RFX1: variants seen among roughly 807,000 people sequenced by gnomAD.
RFX1 encodes the protein regulatory factor X1, also known as MHC class II regulatory factor RFX1.
A neutral mutation model predicts 119.6 loss-of-function variants in RFX1; 42 were observed. The observed-to-expected ratio is 0.35, with a 90% confidence interval of 0.27 to 0.45. RFX1 has a LOEUF of 0.45. Among genes scored for constraint, RFX1 ranks in the 20% least tolerant of loss-of-function variants. The pLI, the probability that RFX1 is intolerant of heterozygous loss-of-function variation, is 1.00. For missense variants in RFX1, 1,118 were observed against 1,368.1 expected (o/e 0.82, Z 2.88); for synonymous variants, 628 against 618.5 (o/e 1.02, Z -0.23).
At chr19:13,995,696 C>T (rs928402706) in intron 1 of RFX1, among the ~76,000 whole-genome samples, 3 of 152,040 alleles carry the variant, frequency 2.0e-5, no homozygotes, top group African/African-American at 7.2e-5. Flanking sequence ...ACTAAAAGTA[C>T]AAAAATCAGC....
chr19:13,980,731 T>TGCATCCTCTCTGGTGTGGGCTC lies in RFX1; in HGVS notation c.622-43_622-42insGAGCCCACACCAGAGAGGATGC. 8.3e-7 allele frequency: 1 copy of TGCATCCTCTCTGGTGTGGGCTC among 1,201,550 alleles called. No individual in the cohort carries two copies. The highest frequency in any genetic ancestry group is 1.2e-6 in the Non-Finnish European group (1 of 842,372). 74.4% of individuals were successfully genotyped at this position (1,201,550 alleles called of 1,614,324 possible). A position where few individuals can be genotyped will look rare whatever the true frequency, so the allele number is the denominator to read the frequency against. Reference sequence around the variant, plus strand: ...CACAGGAGTGCCGCTGGGGTGGGCTTGCATCCTCTCTGAGGTGGGCTCACA... The same window carrying TGCATCCTCTCTGGTGTGGGCTC: ...CACAGGAGTGCCGCTGGGGTGGGCTTGCATCCTCTCTGGTGTGGGCTCGCATCCTCTCTGAGGTGGGCTCACA... On this transcript the variant is annotated intron_variant, in intron 5 of 20. Coordinates refer to ENST00000254325, the MANE Select transcript of RFX1 (RefSeq NM_002918.5). This position sits in a 1 kb window ranked among gnomAD's most constrained non-coding sequence, Gnocchi z 5.1.
chr19:13,963,598 T>C lies in RFX1; in HGVS notation c.2510A>G (p.Gln837Arg), dbSNP rs764669877. Residue 837 changes from glutamine to arginine, a missense_variant, in exon 18 of 21, where the codon CAG becomes CGG. This residue lies in a region of RFX1 where 68 missense variants were observed against 67.2 expected (regional missense o/e 1.01). Transcript: ENST00000254325. ...GVVSQVLKPY[Q>R]GSAGFPKAAK... ...GGCCTTGGGGAAGCCGGCGCTGCCC[T>C]GGTAGGGCTTGAGCACCTGGCTCAC... The C allele has an allele frequency of 6.2e-7, 1 of 1,604,368 alleles. No homozygotes were observed. Among genetic ancestry groups the C allele is most frequent in the Non-Finnish European group, 8.5e-7 (1 of 1,179,010 alleles).
chr19:13,998,555 G>A (rs1183962181), intron 1 of RFX1, among the ~76,000 whole-genome samples: 1 of 152,124 alleles, frequency 6.6e-6, no homozygotes, highest in Non-Finnish European at 1.5e-5. Context: ...AGTGGCAGGT[G>A]TTATTATTCA....
At chr19:13,978,485 C>G in intron 7 of RFX1, among the ~76,000 whole-genome samples, 1 of 152,304 alleles carries the variant, frequency 6.6e-6, no homozygotes, top group Non-Finnish European at 1.5e-5. Context: ...AGCCTGGGGC[C>G]CCGGTTGGTG....
intron 8 of RFX1, among the ~76,000 whole-genome samples, chr19:13,976,506 G>C (rs1265723495): frequency 6.6e-6 from 1 of 152,236 alleles, no homozygotes; most frequent in Admixed American, 6.5e-5. Context: ...ACACAGGAAT[G>C]GTAGTGCTGT....
Position 13,963,013 on chromosome 19 carries a change from G to A in RFX1, c.2751C>T (p.Asn917=), listed in dbSNP as rs757663788. 2.1e-5 allele frequency: 32 copies of A among 1,553,462 alleles called. No individual in the cohort carries two copies. In the African/African-American group the frequency reaches 3.4e-4, roughly 17 times the overall value. The change falls in exon 20 of 21, where the codon AAC becomes AAT. Residue 917 remains asparagine (N), a synonymous_variant. Coordinates refer to ENST00000254325, the MANE Select transcript of RFX1 (RefSeq NM_002918.5). ...GCCTACCTTTGTCGGGGTCCAGGGG[G>A]TTCAGGGAGGTGGCCAGATTGGCGA... ...GEFANLATSL[N]PLDPDKDEEE...
intron 2 of RFX1, among the ~76,000 whole-genome samples, chr19:13,991,097 G>A (rs7249436): frequency 0.049 from 7,461 of 152,286 alleles, 615 homozygotes; most frequent in African/African-American, 0.17. Flanking sequence ...AGCAATGGCA[G>A]GAGCGTGTTC....
chr19:13,967,628 C>T (rs932796844), intron 12 of RFX1, among the ~76,000 whole-genome samples: 3 of 151,978 alleles, frequency 2.0e-5, no homozygotes, highest in African/African-American at 7.2e-5. Flanking sequence ...AGGCACCCGC[C>T]ACCACACCCG....
chr19:13,994,719 A>ATGTGTGTGTG (rs35165719), intron 1 of RFX1, among the ~76,000 whole-genome samples: 229 of 125,992 alleles, frequency 1.8e-3, no homozygotes, highest in African/African-American at 5.9e-3. Context: ...CTAAATATAT[A>ATGTGTGTGTG]TGTGTGTGTG....
In RFX1 at chr19:13,965,857, CT is replaced by C; in HGVS notation, c.1962-81del. The C allele has an allele frequency of 1.3e-6, 2 of 1,516,580 alleles. No individual in the cohort carries two copies. The highest frequency in any genetic ancestry group is 9.0e-7 in the Non-Finnish European group (1 of 1,114,276). 93.9% of individuals were successfully genotyped at this position (1,516,580 alleles called of 1,614,324 possible). A position where few individuals can be genotyped will look rare whatever the true frequency, so the allele number is the denominator to read the frequency against. On this transcript the variant is annotated intron_variant, in intron 14 of 20. Transcript: ENST00000254325. The surrounding 1 kb of genome is among the most constrained non-coding windows in gnomAD (Gnocchi z 4.7). Reference sequence around the variant, plus strand: ...ATCGTCAGAAGGGAACAGGTAGCCCCTGTCCCTGACCCAGGGTCACTGGGGT... The same window carrying C: ...ATCGTCAGAAGGGAACAGGTAGCCCCGTCCCTGACCCAGGGTCACTGGGGT...
At position 13,972,922 on chromosome 19, in the gene RFX1, T is replaced by C. The variant is rs769600950; in HGVS notation, c.1135A>G (p.Ser379Gly). ...CCACCACTGCCACCACCTCCGCTGC[T>C]GTTGCTGGCCCCAGCCCCAGTGCTG... ...STSTGAGASN[S>G]SGGGGSGGGG... The change falls in exon 9 of 21, where the codon AGC becomes GGC. Residue 379 changes from serine (S) to glycine (G), a missense_variant. Ser to Gly is a moderately conservative substitution (Grantham distance 56). Coordinates refer to ENST00000254325, the MANE Select transcript of RFX1 (RefSeq NM_002918.5). 4 of 1,597,806 alleles carry C rather than the reference T, an allele frequency of 2.5e-6. No individual in the cohort carries two copies. Among genetic ancestry groups the C allele is most frequent in the Non-Finnish European group, 3.4e-6 (4 of 1,178,768 alleles).
Position 13,990,542 on chromosome 19 carries a change from G to GT in RFX1, c.319+2982_319+2983insA, listed in dbSNP as rs1254266846. ...CAAAAAAATTAAAAGATTAGGCCGG[G>GT]CGCGGTGGCTCACGCCTGTAATCCC... On this transcript the variant is annotated intron_variant, in intron 2 of 20. Coordinates refer to ENST00000254325, the MANE Select transcript of RFX1 (RefSeq NM_002918.5). The surrounding 1 kb of genome is among the most constrained non-coding windows in gnomAD (Gnocchi z 4.1). 6.6e-6 allele frequency among the ~76,000 whole-genome samples: 1 copy of GT among 152,142 alleles called. No homozygotes were observed. The highest frequency in any genetic ancestry group is 2.4e-5 in the African/African-American group (1 of 41,428).
intron 1 of RFX1, among the ~76,000 whole-genome samples, chr19:14,000,148 C>T (rs1330550167): frequency 1.3e-5 from 2 of 152,166 alleles, no homozygotes; most frequent in Non-Finnish European, 2.9e-5. Flanking sequence ...CTCTCATCCT[C>T]TATATCCAAT....
In RFX1 at chr19:13,980,518, G is replaced by A; in HGVS notation, c.738+55C>T. The A allele has an allele frequency of 8.5e-7, 1 of 1,173,550 alleles. No individual in the cohort carries two copies. Among genetic ancestry groups the A allele is most frequent in the Non-Finnish European group, 1.2e-6 (1 of 825,770 alleles). 72.7% of individuals were successfully genotyped at this position (1,173,550 alleles called of 1,614,324 possible). A position where few individuals can be genotyped will look rare whatever the true frequency, so the allele number is the denominator to read the frequency against. ...AGAGGCACAGCCGTGGGGGGCTGCA[G>A]AGGCTGCCTGGCCGGTACCCCTGGA... On this transcript the variant is annotated intron_variant, in intron 6 of 20. Transcript: ENST00000254325. This position sits in a 1 kb window ranked among gnomAD's most constrained non-coding sequence, Gnocchi z 5.1.
intron 1 of RFX1, among the ~76,000 whole-genome samples, chr19:13,996,238 G>A (rs148689971): frequency 4.6e-5 from 7 of 152,282 alleles, no homozygotes; most frequent in Non-Finnish European, 1.0e-4. Flanking sequence ...ACAGAGGCAC[G>A]AGTGGTTAAG....
chr19:13,970,172 G>T lies in RFX1; in HGVS notation c.1318C>A (p.Gln440Lys), dbSNP rs753876589. Reference sequence around the variant, plus strand: ...GTCTCATAGTTGTCCAGGAGCCACTGGACCTGGGGTGGGAGGGAGATGGGA... The same window carrying T: ...GTCTCATAGTTGTCCAGGAGCCACTTGACCTGGGGTGGGAGGGAGATGGGA... The part of the protein sequence containing the change: ...HTTRASPATV[Q>K]WLLDNYETAE... The change falls in exon 10 of 21, where the codon CAG becomes AAG. Residue 440 changes from glutamine (Q) to lysine (K), a missense_variant. Gln to Lys is a moderately conservative substitution (Grantham distance 53). Around this residue, in one of 5 missense-constraint regions of RFX1, gnomAD observed 338 missense variants for 508.9 expected, o/e 0.66. Coordinates refer to ENST00000254325, the MANE Select transcript of RFX1 (RefSeq NM_002918.5). The T allele has an allele frequency of 4.4e-6, 7 of 1,602,426 alleles. No individual in the cohort carries two copies. Among genetic ancestry groups the T allele is most frequent in the Non-Finnish European group, 6.0e-6 (7 of 1,172,478 alleles).
rs751905912 is a variant in RFX1 at position 13,965,613 on chromosome 19, G to A, written c.2113+13C>T. ...ATGTGGGGCAGGGGATGCCGAGCAG[G>A]CCGAGCACTCACTGGGGATGGGCCG... On this transcript the variant is annotated intron_variant, in intron 15 of 20. Coordinates refer to ENST00000254325, the MANE Select transcript of RFX1 (RefSeq NM_002918.5). This position sits in a 1 kb window ranked among gnomAD's most constrained non-coding sequence, Gnocchi z 4.7. 3.7e-6 allele frequency: 6 copies of A among 1,612,770 alleles called. No homozygotes were observed. Among genetic ancestry groups the A allele is most frequent in the Non-Finnish European group, 5.1e-6 (6 of 1,179,638 alleles).
intron 3 of RFX1, 43 bp from the exon 4 acceptor site, chr19:13,983,313 AGGGAGGCCTGGCGTGGTTGGGTGGC>A (rs1369547979): frequency 1.3e-6 from 2 of 1,496,280 alleles, no homozygotes; most frequent in Non-Finnish European, 1.8e-6. Context: ...CACTTCCCCC[AGGGAGGCCTGGCGTGGTTGGGTGGC>A]GGGCGGCTGC....
At chr19:14,000,518 C>T (rs1469278258) in intron 1 of RFX1, among the ~76,000 whole-genome samples, 1 of 152,146 alleles carries the variant, frequency 6.6e-6, no homozygotes, top group Non-Finnish European at 1.5e-5. Context: ...CTCCTAATGA[C>T]TGGGCGCAGT....
Sources: allele counts gnomAD v4.1 joint callset (sites outside exome capture counted in the v4.1 genomes callset), GRCh38; gene constraint gnomAD v4.1.1; regional missense constraint gnomAD v4.1.1; non-coding constraint Gnocchi (gnomAD v3.1); transcripts MANE v1.5; gene names NCBI Gene and HGNC (gene_info 2026-07-23, HGNC 2026-07-21).